Variants in CSDC2 observed in about 807,000 individuals in gnomAD.
The protein encoded by CSDC2 is cold shock domain-containing protein C2.
Under a neutral mutation model 15.8 loss-of-function variants are expected in CSDC2, and 8 were observed. The observed-to-expected ratio is 0.51, with a 90% CI of 0.30 to 0.92. CSDC2 has a LOEUF of 0.92. CSDC2 is among the 40% of genes least tolerant of loss of function. CSDC2 has a pLI of 0.07. For synonymous variants in CSDC2, 96 were observed against 92.3 expected (o/e 1.04, Z -0.23); for missense variants, 195 against 213.3 (o/e 0.91, Z 0.53).
In CSDC2 at chr22:41,574,689, A is replaced by G. The variant is rs372418948; in HGVS notation, c.300-44A>G. 2.7e-5 allele frequency: 44 copies of G among 1,601,458 alleles called. No homozygotes were observed. In the African/African-American group the frequency reaches 5.6e-4, roughly 20 times the overall value. ...GCCAGGCCACAGGATTGTCTGGGGC[A>G]CAGGGCCTGCTGCTGGGCTAATACC... On this transcript the variant is annotated intron_variant, in intron 3 of 3. Coordinates refer to ENST00000306149, the MANE Select transcript of CSDC2 (RefSeq NM_014460.4).
At chr22:41,563,109 G>A (rs2067096432) in intron 1 of CSDC2, among the ~76,000 whole-genome samples, 1 of 152,160 alleles carries the variant, frequency 6.6e-6, no homozygotes, top group South Asian at 2.1e-4. Flanking sequence ...CATGTGACAA[G>A]GAGGACTACA....
intron 1 of CSDC2, among the ~76,000 whole-genome samples, chr22:41,563,707 C>G (rs1230540090): frequency 1.3e-5 from 2 of 152,114 alleles, no homozygotes; most frequent in Non-Finnish European, 2.9e-5. Context: ...GGCAGATATG[C>G]TGCACCTGAC....
rs914502558 is a variant in CSDC2, at chr22:41,561,645, G to A, written c.-124+462G>A. 4.6e-5 allele frequency among the ~76,000 whole-genome samples: 7 copies of A among 152,332 alleles called. 1 individual carries two copies. Among genetic ancestry groups the A allele is most frequent in the Admixed American group, 6.5e-5 (1 of 15,306 alleles). ...ACCGGCTGGGAAAGGCAGACAGTTG[G>A]ACCTGGAGCAGCTGTCTTATCCTGA... On this transcript the variant is annotated intron_variant, in intron 1 of 3. Transcript: ENST00000306149.
chr22:41,565,803 C>G (rs1477577797), intron 1 of CSDC2, among the ~76,000 whole-genome samples: 1 of 152,150 alleles, frequency 6.6e-6, no homozygotes, highest in Non-Finnish European at 1.5e-5. Flanking sequence ...ACTTCTAGGC[C>G]CCTTTGTCTG....
At chr22:41,573,259 G>A (rs939774774) in intron 2 of CSDC2, among the ~76,000 whole-genome samples, 1 of 152,044 alleles carries the variant, frequency 6.6e-6, no homozygotes, top group African/African-American at 2.4e-5. Flanking sequence ...GGAGGCTGAG[G>A]CATGAGAATT....
rs2067168820 is a variant in CSDC2, at chr22:41,575,171, C to A, written c.*276C>A. On this transcript the variant is annotated 3_prime_UTR_variant, in exon 4 of 4. Transcript: ENST00000306149. ...CACTGCCTCTCTCCTCCCCTCCCTG[C>A]CGCAGACACGCAGGACCCGCTCGCC... The A allele has an allele frequency of 1.9e-6, 1 of 514,962 alleles. No homozygotes were observed. Among genetic ancestry groups the A allele is most frequent in the South Asian group, 2.3e-5 (1 of 42,612 alleles). 31.9% of individuals were successfully genotyped at this position (514,962 alleles called of 1,614,324 possible). A position where few individuals can be genotyped will look rare whatever the true frequency, so the allele number is the denominator to read the frequency against.
intron 1 of CSDC2, among the ~76,000 whole-genome samples, chr22:41,562,982 C>T (rs2067095673): frequency 6.6e-6 from 1 of 152,158 alleles, no homozygotes; most frequent in African/African-American, 2.4e-5. Context: ...CAGCCAAGCA[C>T]AGGTGGGACT....
chr22:41,570,144 A>G, intron 1 of CSDC2, among the ~76,000 whole-genome samples: 1 of 152,172 alleles, frequency 6.6e-6, no homozygotes, highest in East Asian at 1.9e-4. Flanking sequence ...ATGGGTGAAA[A>G]GGCCAAACCT....
chr22:41,566,056 G>A (rs1432940725), intron 1 of CSDC2, among the ~76,000 whole-genome samples: 1 of 151,262 alleles, frequency 6.6e-6, no homozygotes, highest in African/African-American at 2.4e-5. Flanking sequence ...TGAAATCCCA[G>A]CACTTTGGGA....
chr22:41,574,908 A>T lies in CSDC2; in HGVS notation c.*13A>T. 1 of 1,575,026 alleles carries T rather than the reference A, an allele frequency of 6.3e-7. No individual in the cohort carries two copies. The highest frequency in any genetic ancestry group is 8.6e-7 in the Non-Finnish European group (1 of 1,160,864). ...CGTGGGCTCCTAGGCTGAGTGGTTC[A>T]CAGGCCAGCTGGCCGGGGGTTGGGG... On this transcript the variant is annotated 3_prime_UTR_variant, in exon 4 of 4. Coordinates refer to ENST00000306149, the MANE Select transcript of CSDC2 (RefSeq NM_014460.4).
At position 41,573,663 on chromosome 22, in the gene CSDC2, G is replaced by C. The variant is rs757274111; in HGVS notation, c.185G>C (p.Arg62Pro). ...KRTRTYSATA[R>P]ASAGPVFKGV... is the part of the protein sequence containing the mutation. The stretch of plus-strand genomic sequence containing the variant: ...CACTACCCTATCTCCAGGACAGCCC[G>C]GGCCTCAGCTGGCCCCGTGTTCAAG... The change falls in exon 3 of 4, where the codon CGG (arginine) becomes CCG (proline). Residue 62 changes from arginine to proline, a missense_variant. Arg to Pro is a moderately radical substitution (Grantham distance 103, BLOSUM62 -2). Transcript: ENST00000306149. 6.2e-7 allele frequency: 1 copy of C among 1,612,556 alleles called. No homozygotes were observed. The highest frequency in any genetic ancestry group is 8.5e-7 in the Non-Finnish European group (1 of 1,179,234).
chr22:41,573,827 ATGGTGCCTC>A, intron 3 of CSDC2, 50 bp downstream of exon 3: 1 of 1,571,292 alleles, frequency 6.4e-7, no homozygotes. Context: ...AGTGTCCCCA[ATGGTGCCTC>A]AAAAATGGCT....
At chr22:41,568,748 C>T (rs766516264) in intron 1 of CSDC2, among the ~76,000 whole-genome samples, 5 of 152,260 alleles carry the variant, frequency 3.3e-5, no homozygotes, top group African/African-American at 4.8e-5. Flanking sequence ...TTGGTCCTGT[C>T]TTTGCTGTGG....
intron 1 of CSDC2, among the ~76,000 whole-genome samples, chr22:41,564,098 AAAAAG>A (rs1000216959): frequency 3.3e-5 from 5 of 150,082 alleles, no homozygotes; most frequent in South Asian, 2.1e-4. Context: ...AAAAAAAAAA[AAAAAG>A]AAGAAGAAGA....
chr22:41,565,618 C>T (rs774405196), intron 1 of CSDC2, among the ~76,000 whole-genome samples: 1 of 152,070 alleles, frequency 6.6e-6, no homozygotes, highest in Non-Finnish European at 1.5e-5. Context: ...TAAGAGAGAA[C>T]CATGACAACC....
At chr22:41,570,322 C>A (rs767572017) in intron 1 of CSDC2, among the ~76,000 whole-genome samples, 2 of 152,170 alleles carry the variant, frequency 1.3e-5, no homozygotes, top group Non-Finnish European at 2.9e-5. Flanking sequence ...CACCCCTAGG[C>A]ATGGCAGAGC....
intron 1 of CSDC2, among the ~76,000 whole-genome samples, chr22:41,563,652 C>T (rs2067098850): frequency 6.6e-6 from 1 of 152,212 alleles, no homozygotes. Context: ...GTGGGCGCCA[C>T]CCTCAAGGAA....
intron 1 of CSDC2, among the ~76,000 whole-genome samples, chr22:41,563,846 C>T (rs914887317): frequency 1.4e-4 from 21 of 150,910 alleles, no homozygotes; most frequent in African/African-American, 3.4e-4. Context: ...CTGAGGCGGG[C>T]GGATCACGAG....
Position 41,574,868 on chromosome 22 carries a change from G to C in CSDC2, c.435G>C (p.Thr145=). 6.2e-7 allele frequency: 1 copy of C among 1,606,328 alleles called. No individual in the cohort carries two copies. The highest frequency in any genetic ancestry group is 2.2e-5 in the East Asian group (1 of 44,496). ...TQLAPHTPHE[T]WSGQVVGS is the part of the protein sequence containing the mutation. Reference sequence around the variant, plus strand: ...TGGCCCCCCACACTCCCCACGAGACGTGGTCTGGCCAGGTCGTGGGCTCCT... The same window carrying C: ...TGGCCCCCCACACTCCCCACGAGACCTGGTCTGGCCAGGTCGTGGGCTCCT... Residue 145 remains threonine (T), a synonymous_variant, in exon 4 of 4, where the codon ACG becomes ACC. Transcript: ENST00000306149.
Sources: allele counts gnomAD v4.1 joint callset (sites outside exome capture counted in the v4.1 genomes callset), GRCh38; gene constraint gnomAD v4.1.1; transcripts MANE v1.5; gene names NCBI Gene and HGNC (gene_info 2026-07-23, HGNC 2026-07-21).